Variants in RBFOX1 observed in about 807,000 individuals in gnomAD.
RBFOX1 encodes RNA binding fox-1 homolog 1.
Under a neutral mutation model 57.7 loss-of-function variants are expected in RBFOX1, and 8 were observed. The observed-to-expected ratio is 0.14, with a 90% confidence interval of 0.08 to 0.25. RBFOX1 has a LOEUF of 0.25. RBFOX1 is among the 10% of genes least tolerant of loss of function. The pLI is 1.00. For missense variants in RBFOX1, 611 were observed against 548.5 expected, an observed-to-expected ratio of 1.11 and a Z score of -1.14; for synonymous variants, 326 against 222.4, an observed-to-expected ratio of 1.47 and a Z score of -4.15.
chr16:7,358,332 G>T (rs866108840), intron 4 of RBFOX1, among the ~76,000 whole-genome samples: 2 of 152,194 alleles, frequency 1.3e-5, no homozygotes, highest in Non-Finnish European at 1.5e-5. Context: ...TTTGCAAATT[G>T]TTTAATAAAT....
chr16:7,482,633 G>C (rs933613090), intron 4 of RBFOX1, among the ~76,000 whole-genome samples: 1 of 136,422 alleles, frequency 7.3e-6, no homozygotes, highest in African/African-American at 2.9e-5. Flanking sequence ...CTTTCCAAGA[G>C]AACCCAGGAG....
At chr16:7,625,955 A>G (rs2060008171) in intron 10 of RBFOX1, among the ~76,000 whole-genome samples, 1 of 152,210 alleles carries the variant, frequency 6.6e-6, no homozygotes, top group Non-Finnish European at 1.5e-5. Flanking sequence ...AATTAGTAGC[A>G]TCAATGGGGG....
At position 5,841,702 on chromosome 16, in the gene RBFOX1, C is replaced by G. The variant is rs187468743; in HGVS notation, c.319-25601C>G. Among the ~76,000 whole-genome samples the G allele has an allele frequency of 1.1e-3, 174 of 152,284 alleles. 2 individuals carry two copies. Among genetic ancestry groups the G allele is most frequent in the Non-Finnish European group, 3.4e-4 (23 of 68,026 alleles). ...GGGTGTCCTGTATTTAGCTGGCATCCTGACTTCCATGGCCTGTAGAGGCCC... is the reference window on the plus strand; with the variant it reads ...GGGTGTCCTGTATTTAGCTGGCATCGTGACTTCCATGGCCTGTAGAGGCCC... On this transcript the variant is annotated intron_variant, in intron 3 of 19. Transcript: ENST00000641259.
chr16:6,734,496 C>T (rs771793075), intron 3 of RBFOX1, among the ~76,000 whole-genome samples: 21 of 152,208 alleles, frequency 1.4e-4, no homozygotes, highest in Non-Finnish European at 2.6e-4. Flanking sequence ...GGACATGGGT[C>T]CAGGAAGTTA....
chr16:7,032,532 C>G (rs1324469352), intron 3 of RBFOX1, among the ~76,000 whole-genome samples: 1 of 152,128 alleles, frequency 6.6e-6, no homozygotes, highest in Non-Finnish European at 1.5e-5. Context: ...GAGCAAATTA[C>G]AGATCAGCTA....
intron 3 of RBFOX1, among the ~76,000 whole-genome samples, chr16:6,744,348 C>G (rs2073058230): frequency 6.6e-6 from 1 of 151,948 alleles, no homozygotes; most frequent in South Asian, 2.1e-4. Context: ...AATTAATTTG[C>G]CTTAATTAAT....
At chr16:7,344,833 G>A (rs551066743) in intron 4 of RBFOX1, among the ~76,000 whole-genome samples, 28 of 152,306 alleles carry the variant, frequency 1.8e-4, no homozygotes, top group African/African-American at 5.8e-4. Context: ...GGTGTCTGTC[G>A]TCTCCCCATC....
At chr16:7,538,696 AC>A (rs750650130) in intron 5 of RBFOX1, among the ~76,000 whole-genome samples, 26 of 152,200 alleles carry the variant, frequency 1.7e-4, no homozygotes, top group Admixed American at 6.5e-4. Context: ...CATTTTATTT[AC>A]TTACAATTCT....
At chr16:5,469,213 A>G (rs951716696) in intron 2 of RBFOX1, among the ~76,000 whole-genome samples, 1 of 152,044 alleles carries the variant, frequency 6.6e-6, no homozygotes, top group African/African-American at 2.4e-5. Flanking sequence ...CACTGCTGGG[A>G]GCTTCTCAGA....
intron 1 of RBFOX1, among the ~76,000 whole-genome samples, chr16:6,124,822 C>G (rs2096577482): frequency 6.6e-6 from 1 of 152,174 alleles, no homozygotes; most frequent in African/African-American, 2.4e-5. Flanking sequence ...GTCACCGTGC[C>G]TGGCGCCAAT....
chr16:6,266,315 C>T (rs552496543), intron 1 of RBFOX1, among the ~76,000 whole-genome samples: 4 of 152,190 alleles, frequency 2.6e-5, no homozygotes, highest in Non-Finnish European at 5.9e-5. Flanking sequence ...GTTACTGCAG[C>T]GTCTAGCCCA....
chr16:7,327,177 G>T (rs2096622514), intron 4 of RBFOX1, among the ~76,000 whole-genome samples: 1 of 152,116 alleles, frequency 6.6e-6, no homozygotes, highest in Non-Finnish European at 1.5e-5. Flanking sequence ...TTTGACTTAG[G>T]CCAACAAGAT....
At chr16:6,315,010 G>T (rs901096118) in intron 1 of RBFOX1, among the ~76,000 whole-genome samples, 1 of 152,210 alleles carries the variant, frequency 6.6e-6, no homozygotes, top group Admixed American at 6.5e-5. Flanking sequence ...CCACTGGACT[G>T]TAGGCACCAA....
chr16:6,672,745 A>G (rs2098774683), intron 3 of RBFOX1, among the ~76,000 whole-genome samples: 1 of 152,198 alleles, frequency 6.6e-6, no homozygotes, highest in Non-Finnish European at 1.5e-5. Context: ...TGAGGCAGAC[A>G]TCAGCAGTGT....
At chr16:7,053,179 A>G (rs1029667874) in intron 4 of RBFOX1, among the ~76,000 whole-genome samples, 1 of 152,190 alleles carries the variant, frequency 6.6e-6, no homozygotes, top group Non-Finnish European at 1.5e-5. Context: ...TTTGTGAAGT[A>G]CTTGGGTAAA....
chr16:7,238,687 A>G (rs1449093135), intron 4 of RBFOX1, among the ~76,000 whole-genome samples: 3 of 152,184 alleles, frequency 2.0e-5, no homozygotes, highest in East Asian at 1.9e-4. Context: ...GGCTTGTTAC[A>G]TAGGTAAACT....
chr16:6,256,175 A>ATATATATGTATATATG (rs1567787725), intron 1 of RBFOX1, among the ~76,000 whole-genome samples: 1 of 28,324 alleles, frequency 3.5e-5, no homozygotes. Context: ...ATATATGTAT[A>ATATATATGTATATATG]TATATATATA....
chr16:6,943,764 C>T (rs1474000982), intron 3 of RBFOX1, among the ~76,000 whole-genome samples: 1 of 151,604 alleles, frequency 6.6e-6, no homozygotes. Flanking sequence ...CTTGGCCAAT[C>T]CCAGCAGCTG....
At chr16:5,984,774 T>C (rs748842574) in intron 4 of RBFOX1, among the ~76,000 whole-genome samples, 1 of 151,884 alleles carries the variant, frequency 6.6e-6, no homozygotes, top group East Asian at 1.9e-4. Flanking sequence ...CTAGGCGGTA[T>C]GTTCTGGCCT....
Sources: allele counts gnomAD v4.1 joint callset (sites outside exome capture counted in the v4.1 genomes callset), GRCh38; gene constraint gnomAD v4.1.1; transcripts MANE v1.5; gene names NCBI Gene and HGNC (gene_info 2026-07-23, HGNC 2026-07-21).